SOX6: variants seen among roughly 807,000 people sequenced by gnomAD.
SOX6 encodes SRY-box transcription factor 6.
In SOX6, 11 loss-of-function variants were observed where a neutral mutation model predicts 97.8. The observed-to-expected ratio is 0.11, with a 90% CI of 0.07 to 0.19. The LOEUF (loss-of-function observed/expected upper bound fraction) is 0.19. Among genes scored for constraint, SOX6 ranks in the 10% least tolerant of loss-of-function variants. SOX6 has a pLI of 1.00. For synonymous variants in SOX6, 360 were observed against 371.4 expected, an observed-to-expected ratio of 0.97 and a Z score of 0.35; for missense variants, 810 against 1,039.5, an observed-to-expected ratio of 0.78 and a Z score of 3.04.
chr11:15,981,415 T>C (rs916430597), intron 15 of SOX6, among the ~76,000 whole-genome samples: 18 of 152,112 alleles, frequency 1.2e-4, no homozygotes, highest in Non-Finnish European at 1.5e-5. Context: ...AATCTAGCTT[T>C]GCCAATTACA....
chr11:16,738,160 T>C (rs2134064413), intron 1 of SOX6, among the ~76,000 whole-genome samples: 1 of 152,244 alleles, frequency 6.6e-6, no homozygotes, highest in South Asian at 2.1e-4. Flanking sequence ...TGAAAACATT[T>C]AGAAAGCAGC....
chr11:15,976,256 G>A (rs1215363263), intron 15 of SOX6, among the ~76,000 whole-genome samples: 2 of 152,158 alleles, frequency 1.3e-5, no homozygotes, highest in Admixed American at 1.3e-4. Flanking sequence ...GTGGTATGGT[G>A]AGCTCAGGTT....
At chr11:16,139,540 C>A (rs1234542294) in intron 6 of SOX6, among the ~76,000 whole-genome samples, 4 of 152,088 alleles carry the variant, frequency 2.6e-5, no homozygotes, top group African/African-American at 9.7e-5. Flanking sequence ...ACAGGTTACC[C>A]CTTCAAGCTG....
chr11:16,046,763 C>T (rs1855846252), intron 11 of SOX6, 62 bp from the exon 12 acceptor site: 1 of 1,501,356 alleles, frequency 6.7e-7, no homozygotes, highest in Non-Finnish European at 9.2e-7. Flanking sequence ...AGTACTACTA[C>T]TATCCCCTCC....
chr11:16,421,291 T>C (rs941341945), intron 1 of SOX6, among the ~76,000 whole-genome samples: 3 of 152,164 alleles, frequency 2.0e-5, no homozygotes, highest in Non-Finnish European at 4.4e-5. Flanking sequence ...TATATATTGA[T>C]ATTTGAGTCT....
intron 4 of SOX6, among the ~76,000 whole-genome samples, chr11:16,498,432 G>T (rs202103199): frequency 0.17 from 25,524 of 150,930 alleles, 2,227 homozygotes; most frequent in African/African-American, 0.19. Context: ...AACATCATAA[G>T]GAAAGGATCA....
intron 4 of SOX6, among the ~76,000 whole-genome samples, chr11:16,573,521 A>C (rs114212240): frequency 0.014 from 2,140 of 152,260 alleles, 42 homozygotes; most frequent in East Asian, 0.052. Flanking sequence ...GACTTTTATA[A>C]CATATTTGAG....
Position 16,111,792 on chromosome 11 carries a change from T to G in SOX6, c.898+11A>C. 1 of 1,612,972 alleles carries G rather than the reference T, an allele frequency of 6.2e-7. No individual in the cohort carries two copies. The stretch of plus-strand genomic sequence containing the variant: ...CATTTGGAAAAGAATGTTAAATCCC[T>G]CTCTACTTACCTGGTTTGTATGTTA... On this transcript the variant is annotated intron_variant, in intron 7 of 15. Coordinates refer to ENST00000683767, the MANE Select transcript of SOX6 (RefSeq NM_001367873.1).
At chr11:16,728,405 C>G (rs1848323712) in intron 2 of SOX6, among the ~76,000 whole-genome samples, 1 of 152,192 alleles carries the variant, frequency 6.6e-6, no homozygotes, top group African/African-American at 2.4e-5. Context: ...CTTTGCTGTT[C>G]TGCATTCTCT....
At chr11:16,254,025 G>T (rs191124141) in intron 3 of SOX6, among the ~76,000 whole-genome samples, 129 of 151,766 alleles carry the variant, frequency 8.5e-4, no homozygotes, top group African/African-American at 3.1e-3. Context: ...GCAAAGAAAA[G>T]AATTACATAT....
intron 1 of SOX6, among the ~76,000 whole-genome samples, chr11:16,405,458 G>T (rs1377573874): frequency 6.6e-6 from 1 of 151,968 alleles, no homozygotes; most frequent in Non-Finnish European, 1.5e-5. Flanking sequence ...TCCGAATACA[G>T]CTTCAGATGA....
At chr11:16,344,850 A>AC (rs1486282551) in intron 1 of SOX6, among the ~76,000 whole-genome samples, 1 of 151,842 alleles carries the variant, frequency 6.6e-6, no homozygotes, top group African/African-American at 2.4e-5. Context: ...CCCTAGTTAT[A>AC]CCCCCTGAAA....
At position 16,055,821 on chromosome 11, in the gene SOX6, T is replaced by C; in HGVS notation, c.1182A>G (p.Thr394=). ...KMPSTPQPPN[T]AGTVSPTGIK... ...TCCCAGTAGGTGAGACCGTCCCTGC[T>C]GTGTTTGGTGGCTGTGGAGTTGATG... Residue 394 remains threonine, a synonymous_variant, in exon 10 of 16, where the codon ACA becomes ACG. Coordinates refer to ENST00000683767, the MANE Select transcript of SOX6 (RefSeq NM_001367873.1). The C allele has an allele frequency of 6.2e-7, 1 of 1,613,848 alleles. No homozygotes were observed. Among genetic ancestry groups the C allele is most frequent in the Non-Finnish European group, 8.5e-7 (1 of 1,179,862 alleles).
rs562884075 is a variant in SOX6 at position 16,474,912 on chromosome 11, C to T, written c.-5+1403G>A. 1.7e-4 allele frequency among the ~76,000 whole-genome samples: 26 copies of T among 152,280 alleles called. No individual in the cohort carries two copies. The South Asian group carries it at 5.2e-3, about 30-fold the overall frequency. Reference sequence around the variant, plus strand: ...CTGAAAGTCTGTGGTTTGATGTAGTCACCTTCATCAATGGTCTTACCTAGA... The same window carrying T: ...CTGAAAGTCTGTGGTTTGATGTAGTTACCTTCATCAATGGTCTTACCTAGA... On this transcript the variant is annotated intron_variant, in intron 1 of 15. Transcript: ENST00000396356.
At chr11:16,732,075 C>A (rs1043192773) in intron 2 of SOX6, among the ~76,000 whole-genome samples, 2 of 152,094 alleles carry the variant, frequency 1.3e-5, no homozygotes, top group Non-Finnish European at 2.9e-5. Context: ...AACCACTGCT[C>A]AAGGAAATAA....
intron 2 of SOX6, among the ~76,000 whole-genome samples, chr11:16,723,236 A>C (rs929474886): frequency 3.3e-5 from 5 of 152,168 alleles, no homozygotes; most frequent in Admixed American, 6.5e-5. Flanking sequence ...CAGAAAACCA[A>C]ATACCACATG....
At chr11:16,180,770 T>C (rs1490237193) in intron 6 of SOX6, among the ~76,000 whole-genome samples, 2 of 151,798 alleles carry the variant, frequency 1.3e-5, no homozygotes, top group Non-Finnish European at 1.5e-5. Context: ...GAAGAATCTA[T>C]TTAAAAGTTT....
At position 16,341,456 on chromosome 11, in the gene SOX6, G is replaced by GTA. The variant is rs1231606520; in HGVS notation, c.-4-206_-4-205dup. Among the ~76,000 whole-genome samples, 4 of 152,036 alleles carry GTA rather than the reference G, an allele frequency of 2.6e-5. No homozygotes were observed. The East Asian group carries it at 7.7e-4, about 29-fold the overall frequency. Reference sequence around the variant, plus strand: ...TTTTAACTCAGCAAACCTCTTCCCAGTAATTACTGCATATTTTCTCTCTTA... The same window carrying GTA: ...TTTTAACTCAGCAAACCTCTTCCCAGTATAATTACTGCATATTTTCTCTCTTA... On this transcript the variant is annotated intron_variant, in intron 1 of 15. Transcript: ENST00000683767.
At chr11:16,456,293 T>C (rs1273803228) in intron 1 of SOX6, among the ~76,000 whole-genome samples, 1 of 152,166 alleles carries the variant, frequency 6.6e-6, no homozygotes. Context: ...TGCATTAATA[T>C]CCACAGTGCT....
Sources: allele counts gnomAD v4.1 joint callset (sites outside exome capture counted in the v4.1 genomes callset), GRCh38; gene constraint gnomAD v4.1.1; transcripts MANE v1.5; gene names NCBI Gene and HGNC (gene_info 2026-07-23, HGNC 2026-07-21).